The following TCF7L2 variants were observed in gnomAD, a reference collection of about 807,000 sequenced individuals.
The protein encoded by TCF7L2 is transcription factor 7 like 2.
Under a neutral mutation model 77.9 loss-of-function variants are expected in TCF7L2, and 23 were observed. The ratio of observed to expected loss-of-function variants is 0.30; its 90% CI spans 0.21 to 0.42. TCF7L2 has a LOEUF of 0.42. Ranked by LOEUF, TCF7L2 falls within the 10% of genes least tolerant of loss-of-function variation. The pLI is 1.00. For synonymous variants in TCF7L2, 413 were observed against 340.2 expected, an observed-to-expected ratio of 1.21 and a Z score of -2.36; for missense variants, 654 against 793.1, an observed-to-expected ratio of 0.82 and a Z score of 2.11.
chr10:112,972,686 G>C (rs560489120), intron 4 of TCF7L2, among the ~76,000 whole-genome samples: 1 of 152,258 alleles, frequency 6.6e-6, no homozygotes, highest in East Asian at 1.9e-4. Flanking sequence ...GCCCAGGCTG[G>C]TCTCTAACTC....
chr10:113,114,192 A>G lies in TCF7L2; in HGVS notation c.553-26992A>G, dbSNP rs190750570. Among the ~76,000 whole-genome samples, 6 of 152,322 alleles carry G rather than the reference A, an allele frequency of 3.9e-5. No homozygotes were observed. The East Asian group carries it at 1.2e-3, about 29-fold the overall frequency. On this transcript the variant is annotated intron_variant, in intron 5 of 13. Coordinates refer to ENST00000627217, the MANE Select transcript of TCF7L2 (RefSeq NM_001146274.2). ...TTTTTAATCAGAAATGCTTATCAGTAGGTTGCATGGTTGGGGAAAATGGCA... is the reference window on the plus strand; with the variant it reads ...TTTTTAATCAGAAATGCTTATCAGTGGGTTGCATGGTTGGGGAAAATGGCA...
At chr10:112,986,320 G>A (rs2041536944) in intron 4 of TCF7L2, among the ~76,000 whole-genome samples, 1 of 152,106 alleles carries the variant, frequency 6.6e-6, no homozygotes, top group Admixed American at 6.6e-5. Context: ...TTCGCTCTGA[G>A]AGTACAGGCT....
At chr10:113,076,409 A>T (rs941703937) in intron 5 of TCF7L2, among the ~76,000 whole-genome samples, 1 of 152,160 alleles carries the variant, frequency 6.6e-6, no homozygotes, top group African/African-American at 2.4e-5. Flanking sequence ...AAGTGCTGGG[A>T]TTACATGCGT....
At chr10:113,150,955 T>C (rs2137123913) in intron 8 of TCF7L2, 43 bp from the exon 9 acceptor site, 1 of 1,613,028 alleles carries the variant, frequency 6.2e-7, no homozygotes, top group Non-Finnish European at 8.5e-7. Flanking sequence ...TCCTCATTCA[T>C]TCATTTTGAT....
chr10:113,114,443 C>G (rs908057172), intron 5 of TCF7L2, among the ~76,000 whole-genome samples: 1 of 152,094 alleles, frequency 6.6e-6, no homozygotes, highest in Non-Finnish European at 1.5e-5. Flanking sequence ...CCCTTGATAT[C>G]TTGGAGGCGC....
intron 4 of TCF7L2, among the ~76,000 whole-genome samples, chr10:113,037,234 A>G (rs1169842298): frequency 1.3e-5 from 2 of 152,224 alleles, no homozygotes; most frequent in Admixed American, 6.5e-5. Context: ...AAGGCACTTC[A>G]TCAGCCTGAA....
In TCF7L2 at chr10:113,151,648, G is replaced by A. The variant is rs2137144244; in HGVS notation, c.1002-77G>A. 1 of 1,499,846 alleles carries A rather than the reference G, an allele frequency of 6.7e-7. No individual in the cohort carries two copies. Among genetic ancestry groups the A allele is most frequent in the Non-Finnish European group, 8.9e-7 (1 of 1,128,258 alleles). The allele number at this position is 1,499,846 out of a possible 1,614,324, so 92.9% of individuals were successfully genotyped here. On this transcript the variant is annotated intron_variant, in intron 9 of 13. Coordinates refer to ENST00000627217, the MANE Select transcript of TCF7L2 (RefSeq NM_001146274.2). The surrounding 1 kb of genome is among the most constrained non-coding windows in gnomAD (Gnocchi z 5.2). ...CTAGGCTTGGGGGTTATGAGACAAG[G>A]AGATACGTTCCCTGCCATGGAGGAA...
chr10:113,006,666 C>G (rs1338836765), intron 4 of TCF7L2, among the ~76,000 whole-genome samples: 1 of 152,208 alleles, frequency 6.6e-6, no homozygotes, highest in African/African-American at 2.4e-5. Context: ...ACTGAATTTT[C>G]TTTTCCAACT....
intron 4 of TCF7L2, among the ~76,000 whole-genome samples, chr10:112,982,006 C>A (rs1285618928): frequency 6.6e-6 from 1 of 152,142 alleles, no homozygotes; most frequent in Non-Finnish European, 1.5e-5. Context: ...GATTCTTATC[C>A]CTCTGTCTTT....
At chr10:113,017,862 A>G (rs899991469) in intron 4 of TCF7L2, among the ~76,000 whole-genome samples, 6 of 152,212 alleles carry the variant, frequency 3.9e-5, no homozygotes, top group Non-Finnish European at 8.8e-5. Flanking sequence ...TTACGTTTCT[A>G]TTCATTTTAT....
At chr10:113,054,566 A>G (rs543175262) in intron 5 of TCF7L2, among the ~76,000 whole-genome samples, 1 of 152,130 alleles carries the variant, frequency 6.6e-6, no homozygotes, top group Non-Finnish European at 1.5e-5. Context: ...AGCTTTTTTT[A>G]AAATTAAAAC....
At chr10:112,998,298 G>A (rs935010260) in intron 4 of TCF7L2, among the ~76,000 whole-genome samples, 2 of 152,020 alleles carry the variant, frequency 1.3e-5, no homozygotes, top group African/African-American at 4.8e-5. Flanking sequence ...TTCCTTTTTG[G>A]ATCTGTTTCT....
At chr10:113,026,161 G>A (rs1220545316) in intron 4 of TCF7L2, among the ~76,000 whole-genome samples, 2 of 151,268 alleles carry the variant, frequency 1.3e-5, no homozygotes, top group East Asian at 2.0e-4. Flanking sequence ...TTACAGGCGT[G>A]AGCCACTGCG....
intron 5 of TCF7L2, among the ~76,000 whole-genome samples, chr10:113,123,040 A>G (rs1277273590): frequency 6.6e-6 from 1 of 152,164 alleles, no homozygotes; most frequent in Non-Finnish European, 1.5e-5. Context: ...TGGGCTTTAA[A>G]CCCTCAGTAG....
At position 113,127,023 on chromosome 10, in the gene TCF7L2, C is replaced by T; in HGVS notation, c.553-14161C>T. The stretch of plus-strand genomic sequence containing the variant: ...CTTTGCCATGTTCGCTGTCACTTTG[C>T]GGTAACTTTCAGGTTGATGTACCTT... On this transcript the variant is annotated intron_variant, in intron 5 of 13. Transcript: ENST00000627217. The T allele has an allele frequency of 6.4e-6, 5 of 782,602 alleles. No homozygotes were observed. The South Asian group carries it at 2.9e-4, about 45-fold the overall frequency. 48.5% of individuals were successfully genotyped at this position (782,602 alleles called of 1,614,324 possible).
chr10:113,076,007 G>A (rs1810650), intron 5 of TCF7L2, among the ~76,000 whole-genome samples: 23,856 of 151,742 alleles, frequency 0.16, 2,387 homozygotes, highest in Non-Finnish European at 0.21. Flanking sequence ...GTGGTGGCAC[G>A]TGCCTGTAAT....
chr10:113,128,325 AT>A (rs1408091941), intron 5 of TCF7L2, among the ~76,000 whole-genome samples: 1 of 151,996 alleles, frequency 6.6e-6, no homozygotes, highest in Non-Finnish European at 1.5e-5. Flanking sequence ...CTTTTTTGTT[AT>A]TTTTAAGCCT....
At chr10:113,164,754 C>CTT (rs140468613) in intron 13 of TCF7L2, among the ~76,000 whole-genome samples, 49 of 151,420 alleles carry the variant, frequency 3.2e-4, no homozygotes, top group Admixed American at 2.0e-4. Context: ...TTGGTGGTTT[C>CTT]TTTTTTTTGT....
intron 5 of TCF7L2, among the ~76,000 whole-genome samples, chr10:113,053,433 C>T (rs559019160): frequency 3.3e-5 from 5 of 152,192 alleles, no homozygotes; most frequent in East Asian, 3.9e-4. Flanking sequence ...TGGGCGCAGG[C>T]GTGTGATACC....
Sources: allele counts gnomAD v4.1 joint callset (sites outside exome capture counted in the v4.1 genomes callset), GRCh38; gene constraint gnomAD v4.1.1; non-coding constraint Gnocchi (gnomAD v3.1); transcripts MANE v1.5; gene names NCBI Gene and HGNC (gene_info 2026-07-23, HGNC 2026-07-21).